PTPRQ: variants seen among roughly 807,000 people sequenced by gnomAD.
The protein encoded by PTPRQ is protein tyrosine phosphatase receptor type Q.
A neutral mutation model predicts 246.0 loss-of-function variants in PTPRQ; 199 were observed. That is an observed-to-expected ratio of 0.81 (90% CI 0.72 to 0.91). The LOEUF is 0.91. Among genes scored for constraint, PTPRQ ranks in the 40% least tolerant of loss-of-function variants. The probability of loss-of-function intolerance (pLI) is 0.00; values close to 1 mark genes in which losing one functional copy is unlikely to be tolerated. For synonymous variants in PTPRQ, 869 were observed against 853.2 expected (o/e 1.02, Z -0.32); for missense variants, 2,624 against 2,528.4 (o/e 1.04, Z -0.81).
intron 6 of PTPRQ, 48 bp from the exon 7 acceptor site, chr12:80,468,662 T>C: frequency 1.4e-6 from 2 of 1,461,472 alleles, no homozygotes; most frequent in Non-Finnish European, 1.8e-6. Flanking sequence ...TAGGGTGCGC[T>C]TTCATTTTAA....
chr12:80,525,678 C>G (rs1373102061), intron 17 of PTPRQ, among the ~76,000 whole-genome samples: 2 of 150,740 alleles, frequency 1.3e-5, no homozygotes, highest in Admixed American at 6.6e-5. Flanking sequence ...CTCTCTCTCT[C>G]TCTGTCTCTG....
At chr12:80,538,958 A>G (rs549093163) in intron 19 of PTPRQ, among the ~76,000 whole-genome samples, 9 of 152,262 alleles carry the variant, frequency 5.9e-5, no homozygotes, top group Non-Finnish European at 1.3e-4. Context: ...TAGGACTTAA[A>G]TGGCTTCATG....
At chr12:80,562,067 G>T (rs896107745) in intron 25 of PTPRQ, among the ~76,000 whole-genome samples, 2 of 152,018 alleles carry the variant, frequency 1.3e-5, no homozygotes, top group African/African-American at 4.8e-5. Flanking sequence ...TAATAAGGTG[G>T]ATTATGTTGA....
At chr12:80,585,317 C>T (rs1025011153) in intron 25 of PTPRQ, among the ~76,000 whole-genome samples, 19 of 152,302 alleles carry the variant, frequency 1.2e-4, no homozygotes, top group Non-Finnish European at 2.6e-4. Flanking sequence ...ACATACCACA[C>T]ATCAGCAAAC....
At chr12:80,532,984 C>A (rs1329133369) in intron 17 of PTPRQ, among the ~76,000 whole-genome samples, 1 of 152,082 alleles carries the variant, frequency 6.6e-6, no homozygotes, top group Non-Finnish European at 1.5e-5. Flanking sequence ...TCAAATATTT[C>A]AATGGTAAAG....
Position 80,673,329 on chromosome 12 carries a change from A to G in PTPRQ, c.6738+25A>G, listed in dbSNP as rs142900951. ...GGTAAGATCTCTAAACCTGCACTGC[A>G]TTCTAAAGTTCTAGAATTTCCACAT... On this transcript the variant is annotated intron_variant, in intron 43 of 44. Coordinates refer to ENST00000644991, the MANE Select transcript of PTPRQ (RefSeq NM_001145026.2). The G allele has an allele frequency of 0.012, 18,081 of 1,535,560 alleles. 240 individuals carry two copies. The highest frequency in any genetic ancestry group is 0.053 in the South Asian group (4,283 of 80,456).
chr12:80,548,515 A>C (rs1896376032), intron 24 of PTPRQ, among the ~76,000 whole-genome samples: 1 of 152,156 alleles, frequency 6.6e-6, no homozygotes, highest in Non-Finnish European at 1.5e-5. Flanking sequence ...ACAGAGGAAG[A>C]AAAGTTTATA....
intron 3 of PTPRQ, among the ~76,000 whole-genome samples, chr12:80,454,709 C>T (rs946412164): frequency 1.3e-5 from 2 of 151,808 alleles, no homozygotes; most frequent in African/African-American, 4.8e-5. Context: ...GCTTTTCCTG[C>T]ATCTGTTGAG....
At chr12:80,639,605 G>C (rs1899782573) in intron 35 of PTPRQ, among the ~76,000 whole-genome samples, 1 of 152,092 alleles carries the variant, frequency 6.6e-6, no homozygotes, top group Admixed American at 6.6e-5. Flanking sequence ...TCTTTCTTCA[G>C]TAACTTCAGA....
At chr12:80,632,383 T>C (rs1165821900) in intron 34 of PTPRQ, 92 bp downstream of exon 34, 85 of 1,476,968 alleles carry the variant, frequency 5.8e-5, no homozygotes, top group Non-Finnish European at 7.5e-5. Flanking sequence ...AACAGTTACT[T>C]GAATGGGAAA....
intron 7 of PTPRQ, 84 bp from the exon 8 acceptor site, chr12:80,472,018 ATTG>A (rs1411191770): frequency 1.5e-5 from 22 of 1,487,400 alleles, no homozygotes; most frequent in Admixed American, 1.2e-4. Flanking sequence ...TAACACTTGA[ATTG>A]TTGTCTTTGG....
chr12:80,543,463 T>A (rs1896214935), intron 23 of PTPRQ, among the ~76,000 whole-genome samples: 1 of 152,062 alleles, frequency 6.6e-6, no homozygotes, highest in Non-Finnish European at 1.5e-5. Flanking sequence ...CTCAAATATA[T>A]GTCTGTGATT....
chr12:80,668,250 C>G (rs1190399133), intron 39 of PTPRQ, among the ~76,000 whole-genome samples: 1 of 151,808 alleles, frequency 6.6e-6, no homozygotes, highest in Non-Finnish European at 1.5e-5. Context: ...AAGTGTCATG[C>G]TTTTATGTTC....
At chr12:80,471,306 T>C (rs1893617195) in intron 7 of PTPRQ, among the ~76,000 whole-genome samples, 1 of 151,990 alleles carries the variant, frequency 6.6e-6, no homozygotes, top group East Asian at 1.9e-4. Flanking sequence ...AACAGTGTTC[T>C]CAGGAAAGAG....
intron 25 of PTPRQ, among the ~76,000 whole-genome samples, chr12:80,580,745 C>T (rs1897408171): frequency 6.6e-6 from 1 of 152,114 alleles, no homozygotes. Context: ...CACATGAAAA[C>T]AAAAGGCTGT....
At chr12:80,662,573 T>A (rs1395546737) in intron 39 of PTPRQ, among the ~76,000 whole-genome samples, 1 of 152,032 alleles carries the variant, frequency 6.6e-6, no homozygotes, top group East Asian at 1.9e-4. Context: ...TGCTGCTAAA[T>A]CATATTTCAA....
chr12:80,639,574 A>G (rs1247786376), intron 35 of PTPRQ, among the ~76,000 whole-genome samples: 1 of 152,210 alleles, frequency 6.6e-6, no homozygotes, highest in African/African-American at 2.4e-5. Flanking sequence ...CTATTTTAAG[A>G]GAAGTCTTCT....
At chr12:80,497,036 A>G (rs1005135549) in intron 14 of PTPRQ, among the ~76,000 whole-genome samples, 2 of 151,868 alleles carry the variant, frequency 1.3e-5, no homozygotes. Flanking sequence ...GGGGTCCCCA[A>G]CCTTTTTGGC....
intron 26 of PTPRQ, among the ~76,000 whole-genome samples, chr12:80,593,989 T>C (rs185034609): frequency 2.0e-5 from 3 of 151,500 alleles, no homozygotes; most frequent in Non-Finnish European, 4.4e-5. Context: ...GATACCATAC[T>C]CATGAGGAAT....
Sources: allele counts gnomAD v4.1 joint callset (sites outside exome capture counted in the v4.1 genomes callset), GRCh38; gene constraint gnomAD v4.1.1; transcripts MANE v1.5; gene names NCBI Gene and HGNC (gene_info 2026-07-23, HGNC 2026-07-21).